Variants in CACNA2D3 observed in about 807,000 individuals in gnomAD.
CACNA2D3 encodes the protein voltage-dependent calcium channel subunit alpha-2/delta-3.
CACNA2D3 carries 60 observed loss-of-function variants against 160.6 expected under a neutral mutation model. The observed-to-expected ratio is 0.37, with a 90% CI of 0.30 to 0.46. The LOEUF is 0.46. Ranked by LOEUF, CACNA2D3 falls within the 20% of genes least tolerant of loss-of-function variation. The probability of loss-of-function intolerance (pLI) is 1.00; values close to 1 mark genes in which losing one functional copy is unlikely to be tolerated. For synonymous variants in CACNA2D3, 558 were observed against 492.9 expected (o/e 1.13, Z -1.75); for missense variants, 1,205 against 1,365.0 (o/e 0.88, Z 1.85).
At chr3:54,502,290 T>C (rs765034569) in intron 4 of CACNA2D3, among the ~76,000 whole-genome samples, 1 of 152,236 alleles carries the variant, frequency 6.6e-6, no homozygotes, top group Admixed American at 6.5e-5. Flanking sequence ...TATCTCACAA[T>C]TCTTGGATAT....
chr3:54,151,663 G>T (rs904264936), intron 2 of CACNA2D3, among the ~76,000 whole-genome samples: 4 of 152,202 alleles, frequency 2.6e-5, no homozygotes, highest in African/African-American at 9.7e-5. Flanking sequence ...ACAATGCTGA[G>T]AGAATGATGT....
intron 3 of CACNA2D3, among the ~76,000 whole-genome samples, chr3:54,345,475 G>T (rs1698439379): frequency 6.6e-6 from 1 of 152,120 alleles, no homozygotes; most frequent in Non-Finnish European, 1.5e-5. Flanking sequence ...TACCTAAGAG[G>T]GAGAGTGAAT....
chr3:54,589,849 G>C (rs1192230786), intron 9 of CACNA2D3, among the ~76,000 whole-genome samples: 4 of 152,096 alleles, frequency 2.6e-5, no homozygotes, highest in African/African-American at 9.7e-5. Flanking sequence ...ACCACAGTTA[G>C]ATATCACTAT....
At chr3:54,331,943 A>G (rs1704267886) in intron 3 of CACNA2D3, among the ~76,000 whole-genome samples, 2 of 152,156 alleles carry the variant, frequency 1.3e-5, no homozygotes, top group South Asian at 2.1e-4. Flanking sequence ...CCCTCAATCT[A>G]CCCTGGTCCC....
intron 3 of CACNA2D3, among the ~76,000 whole-genome samples, chr3:54,337,396 A>T (rs1704409462): frequency 6.6e-6 from 1 of 152,212 alleles, no homozygotes. Flanking sequence ...CAGGTCCAGT[A>T]TGTCCAACTC....
At chr3:54,445,579 C>CACACACACAG (rs947833501) in intron 4 of CACNA2D3, among the ~76,000 whole-genome samples, 8 of 151,862 alleles carry the variant, frequency 5.3e-5, no homozygotes, top group Non-Finnish European at 1.0e-4. Context: ...CACACACACA[C>CACACACACAG]ACACACACAC....
chr3:54,284,239 C>T (rs1702953831), intron 2 of CACNA2D3, among the ~76,000 whole-genome samples: 1 of 151,540 alleles, frequency 6.6e-6, no homozygotes, highest in African/African-American at 2.4e-5. Context: ...GCAAATTGTG[C>T]ACATGCACCC....
intron 3 of CACNA2D3, among the ~76,000 whole-genome samples, chr3:54,383,134 G>A (rs951088473): frequency 6.6e-6 from 1 of 152,130 alleles, no homozygotes; most frequent in African/African-American, 2.4e-5. Context: ...ACCACACCCA[G>A]CCTGTTTTAG....
intron 11 of CACNA2D3, among the ~76,000 whole-genome samples, chr3:54,736,121 A>G (rs1701521943): frequency 2.0e-4 from 9 of 46,020 alleles, no homozygotes; most frequent in African/African-American, 1.2e-3. Flanking sequence ...ATATATATAC[A>G]TATATATATG....
rs571117745 is a variant in CACNA2D3, at chr3:54,791,827, C to T, written c.1381-25026C>T. 4.6e-5 allele frequency among the ~76,000 whole-genome samples: 7 copies of T among 152,244 alleles called. No individual in the cohort carries two copies. In the East Asian group the frequency reaches 1.4e-3, roughly 29 times the overall value. Reference sequence around the variant, plus strand: ...ATTTTAGAGTTCTGAAGTTTTTACCCTTTACTCTGATGGATAGTCAGTACA... The same window carrying T: ...ATTTTAGAGTTCTGAAGTTTTTACCTTTTACTCTGATGGATAGTCAGTACA... On this transcript the variant is annotated intron_variant, in intron 13 of 37. Transcript: ENST00000474759.
intron 4 of CACNA2D3, among the ~76,000 whole-genome samples, chr3:54,461,782 T>C (rs1048252546): frequency 3.9e-5 from 6 of 152,068 alleles, no homozygotes; most frequent in African/African-American, 1.4e-4. Context: ...TTCCTTCAGT[T>C]CTGCTCTGAT....
chr3:54,864,126 G>A (rs1415804954), intron 17 of CACNA2D3, among the ~76,000 whole-genome samples: 2 of 152,146 alleles, frequency 1.3e-5, no homozygotes, highest in Admixed American at 6.5e-5. Flanking sequence ...CATTTCAGTG[G>A]AAATCCAAGC....
chr3:54,762,386 A>G (rs1702095857), intron 12 of CACNA2D3, among the ~76,000 whole-genome samples: 1 of 152,098 alleles, frequency 6.6e-6, no homozygotes, highest in South Asian at 2.1e-4. Flanking sequence ...CTCATCCTTC[A>G]GGTTCTAGCT....
At position 54,518,781 on chromosome 3, in the gene CACNA2D3, C is replaced by G. The variant is rs372926933; in HGVS notation, c.544+15127C>G. On this transcript the variant is annotated intron_variant, in intron 5 of 37. Transcript: ENST00000474759. ...ACCATTTTTCCCCTCCCAGATGTCA[C>G]TTGAGTTAATAAAACAGGAAAGAAG... 2.0e-5 allele frequency among the ~76,000 whole-genome samples: 3 copies of G among 152,208 alleles called. No individual in the cohort carries two copies. The East Asian group carries it at 5.8e-4, about 29-fold the overall frequency.
At chr3:54,661,076 C>T (rs996426714) in intron 11 of CACNA2D3, among the ~76,000 whole-genome samples, 6 of 152,060 alleles carry the variant, frequency 3.9e-5, no homozygotes, top group African/African-American at 7.2e-5. Flanking sequence ...TGCTGGAATG[C>T]GAACTGAAAG....
In CACNA2D3 at chr3:54,708,140, G is replaced by T. The variant is rs144681032; in HGVS notation, c.1168-44459G>T. 2.8e-4 allele frequency among the ~76,000 whole-genome samples: 43 copies of T among 152,236 alleles called. No homozygotes were observed. In the East Asian group the frequency reaches 8.1e-3, roughly 29 times the overall value. Reference sequence around the variant, plus strand: ...AAGAACTCAGGGGCCTTATATTCCTGGCCTCGAGTCGATCAAAGAACATAT... The same window carrying T: ...AAGAACTCAGGGGCCTTATATTCCTTGCCTCGAGTCGATCAAAGAACATAT... On this transcript the variant is annotated intron_variant, in intron 11 of 37. Transcript: ENST00000474759.
intron 9 of CACNA2D3, among the ~76,000 whole-genome samples, chr3:54,605,063 C>T (rs750466163): frequency 3.3e-5 from 5 of 152,146 alleles, no homozygotes; most frequent in Non-Finnish European, 7.3e-5. Flanking sequence ...GGTGGTTTTC[C>T]TGCAATCTTT....
At chr3:55,004,077 A>G (rs942445084) in intron 31 of CACNA2D3, among the ~76,000 whole-genome samples, 11 of 152,226 alleles carry the variant, frequency 7.2e-5, no homozygotes, top group African/African-American at 2.4e-4. Flanking sequence ...ATGTTAAAGT[A>G]AAACATTTTT....
At chr3:54,728,371 T>A (rs59465901) in intron 11 of CACNA2D3, among the ~76,000 whole-genome samples, 4,382 of 152,288 alleles carry the variant, frequency 0.029, 199 homozygotes, top group African/African-American at 0.1. Context: ...TAAATAGATA[T>A]GATGAATTCT....
Sources: gnomAD v4.1 joint callset for allele counts (sites outside exome capture counted in the v4.1 genomes callset) on GRCh38, gnomAD v4.1.1 for gene constraint, MANE v1.5 for transcripts, NCBI Gene and HGNC (gene_info 2026-07-23, HGNC 2026-07-21) for gene names.